Variants in EXT1 observed in about 807,000 individuals in gnomAD.
The protein encoded by EXT1 is exostosin-1.
EXT1 carries 20 observed loss-of-function variants against 82.5 expected under a neutral mutation model. The observed-to-expected ratio is 0.24, with a 90% confidence interval of 0.17 to 0.35. EXT1 has a LOEUF of 0.35. EXT1 is among the 10% of genes least tolerant of loss of function. The probability of loss-of-function intolerance (pLI) is 1.00; values close to 1 mark genes in which losing one functional copy is unlikely to be tolerated. For synonymous variants in EXT1, 348 were observed against 350.8 expected, an observed-to-expected ratio of 0.99 and a Z score of 0.09; for missense variants, 757 against 936.5, an observed-to-expected ratio of 0.81 and a Z score of 2.50.
At chr8:118,070,272 GTGTGCATAT>G (rs1488770864) in intron 1 of EXT1, among the ~76,000 whole-genome samples, 1 of 127,744 alleles carries the variant, frequency 7.8e-6, no homozygotes, top group Non-Finnish European at 1.6e-5. Context: ...GTGTGTGTGT[GTGTGCATAT>G]CATAAGTGAA....
intron 1 of EXT1, among the ~76,000 whole-genome samples, chr8:117,959,637 A>C (rs1228365619): frequency 6.6e-6 from 1 of 152,198 alleles, no homozygotes; most frequent in Non-Finnish European, 1.5e-5. Flanking sequence ...TAAGGGAGAT[A>C]ATTATATTGG....
intron 1 of EXT1, among the ~76,000 whole-genome samples, chr8:117,866,464 C>A (rs1057309108): frequency 6.6e-6 from 1 of 152,074 alleles, no homozygotes; most frequent in African/African-American, 2.4e-5. Context: ...GCCGACTGAA[C>A]AGGTTGTTTA....
chr8:117,990,836 C>A (rs1172114756), intron 1 of EXT1, among the ~76,000 whole-genome samples: 1 of 152,238 alleles, frequency 6.6e-6, no homozygotes, highest in African/African-American at 2.4e-5. Context: ...AGGACCCTTA[C>A]ATGCAAACTG....
chr8:117,894,809 C>T (rs1413691979), intron 1 of EXT1, among the ~76,000 whole-genome samples: 1 of 152,166 alleles, frequency 6.6e-6, no homozygotes, highest in Non-Finnish European at 1.5e-5. Context: ...GTGTTATAGG[C>T]AACACACTCT....
chr8:117,834,691 TA>T (rs1554579893), intron 3 of EXT1, among the ~76,000 whole-genome samples: 3 of 151,722 alleles, frequency 2.0e-5, no homozygotes, highest in African/African-American at 2.4e-5. Context: ...GCAAAGACAT[TA>T]AAAAAAATTC....
At chr8:117,818,353 T>C in intron 7 of EXT1, 82 bp downstream of exon 7, 2 of 1,057,116 alleles carry the variant, frequency 1.9e-6, no homozygotes, top group Non-Finnish European at 1.5e-6. Context: ...GGAGAAGATA[T>C]CTAGGGCCAA....
chr8:117,840,993 C>T (rs551640387), intron 1 of EXT1, among the ~76,000 whole-genome samples: 1 of 152,224 alleles, frequency 6.6e-6, no homozygotes, highest in South Asian at 2.1e-4. Flanking sequence ...GCAGCCACTT[C>T]GAAAAATAGT....
chr8:117,871,718 A>G (rs1401330011), intron 1 of EXT1, among the ~76,000 whole-genome samples: 1 of 152,120 alleles, frequency 6.6e-6, no homozygotes, highest in African/African-American at 2.4e-5. Context: ...TGCTAAATGC[A>G]CTGGTGAGAC....
At chr8:117,986,375 G>A (rs893259747) in intron 1 of EXT1, among the ~76,000 whole-genome samples, 48 of 152,198 alleles carry the variant, frequency 3.2e-4, no homozygotes, top group African/African-American at 1.1e-3. Context: ...ACTTTTAGCA[G>A]AGAGGGGTTT....
intron 1 of EXT1, among the ~76,000 whole-genome samples, chr8:118,066,412 G>A (rs1054723210): frequency 1.3e-5 from 2 of 151,154 alleles, no homozygotes; most frequent in African/African-American, 4.9e-5. Flanking sequence ...CAGAGCTGGA[G>A]TGCAGTGGCA....
chr8:117,940,393 T>C (rs17475911), intron 1 of EXT1, among the ~76,000 whole-genome samples: 8,707 of 152,232 alleles, frequency 0.057, 872 homozygotes, highest in African/African-American at 0.2. Flanking sequence ...TGAGCTAGCA[T>C]TCCTGGAAGA....
chr8:117,835,897 T>A (rs892491679), intron 2 of EXT1, among the ~76,000 whole-genome samples: 9 of 152,214 alleles, frequency 5.9e-5, no homozygotes, highest in Non-Finnish European at 1.3e-4. Context: ...AATCTGAGTA[T>A]AGAACCAACC....
intron 1 of EXT1, among the ~76,000 whole-genome samples, chr8:118,034,320 T>TAC (rs984962785): frequency 2.6e-5 from 4 of 152,206 alleles, no homozygotes; most frequent in African/African-American, 9.6e-5. Flanking sequence ...TTGTATCAGG[T>TAC]ACATGTTTCC....
intron 1 of EXT1, among the ~76,000 whole-genome samples, chr8:117,923,450 G>A (rs1179730182): frequency 6.6e-6 from 1 of 152,012 alleles, no homozygotes; most frequent in Non-Finnish European, 1.5e-5. Flanking sequence ...GGGCACGGTG[G>A]CTCACACCTG....
chr8:117,916,799 C>T (rs981693697), intron 1 of EXT1, among the ~76,000 whole-genome samples: 6 of 151,890 alleles, frequency 4.0e-5, no homozygotes, highest in African/African-American at 1.2e-4. Flanking sequence ...CCCAGCTACT[C>T]GGGAGACTGA....
intron 1 of EXT1, among the ~76,000 whole-genome samples, chr8:118,022,323 A>ATTTTTT (rs1470601860): frequency 1.0e-5 from 1 of 96,736 alleles, no homozygotes; most frequent in Non-Finnish European, 2.2e-5. Flanking sequence ...GCGCATATAT[A>ATTTTTT]TTCTTTTTTT....
rs1586280623 is a variant in EXT1, at chr8:118,111,357, G to A, written c.-311C>T. 2.2e-5 allele frequency: 12 copies of A among 550,592 alleles called. No homozygotes were observed. The East Asian group carries it at 2.9e-4, about 13-fold the overall frequency. 34.1% of individuals were successfully genotyped at this position (550,592 alleles called of 1,614,324 possible). A position where few individuals can be genotyped will look rare whatever the true frequency, so the allele number is the denominator to read the frequency against. On this transcript the variant is annotated 5_prime_UTR_variant, in exon 1 of 11. Transcript: ENST00000378204. ...TTTTCTTGCATGCAACAAGACGGAG[G>A]AAAAGAAAGAGAGAGGGGAGAAAAA...
chr8:118,013,526 G>T (rs1257530324), intron 1 of EXT1, among the ~76,000 whole-genome samples: 1 of 152,110 alleles, frequency 6.6e-6, no homozygotes, highest in African/African-American at 2.4e-5. Flanking sequence ...GGCTAGAGTA[G>T]GTAAGCCATT....
At chr8:117,820,506 T>C (rs946577638) in intron 5 of EXT1, among the ~76,000 whole-genome samples, 4 of 152,246 alleles carry the variant, frequency 2.6e-5, no homozygotes, top group Non-Finnish European at 5.9e-5. Flanking sequence ...CTGGCCAACA[T>C]GGTGAAATTC....
Sources: gnomAD v4.1 joint callset for allele counts (sites outside exome capture counted in the v4.1 genomes callset) on GRCh38, gnomAD v4.1.1 for gene constraint, MANE v1.5 for transcripts, NCBI Gene and HGNC (gene_info 2026-07-23, HGNC 2026-07-21) for gene names.